The following CTNNA2 variants were observed in gnomAD, a reference collection of about 807,000 sequenced individuals.
CTNNA2 encodes catenin alpha-2.
In CTNNA2, 42 loss-of-function variants were observed where a neutral mutation model predicts 101.0. That is an observed-to-expected ratio of 0.42 (90% CI 0.32 to 0.54). The LOEUF is 0.54. Among genes scored for constraint, CTNNA2 ranks in the 20% least tolerant of loss-of-function variants. CTNNA2 has a pLI of 0.14. For missense variants in CTNNA2, 871 were observed against 1,223.1 expected (o/e 0.71, Z 4.29); for synonymous variants, 450 against 456.4 (o/e 0.99, Z 0.18).
At chr2:79,904,779 A>G (rs903548570) in intron 6 of CTNNA2, among the ~76,000 whole-genome samples, 1 of 152,216 alleles carries the variant, frequency 6.6e-6, no homozygotes, top group African/African-American at 2.4e-5. Flanking sequence ...GCTTGCATCA[A>G]GCCAGCTCGG....
intron 4 of CTNNA2, among the ~76,000 whole-genome samples, chr2:79,420,181 G>A (rs1289879655): frequency 1.4e-4 from 22 of 152,118 alleles, no homozygotes; most frequent in East Asian, 1.9e-4. Flanking sequence ...AAGACAGCAA[G>A]AGCCTAGAAT....
At chr2:79,376,673 C>A (rs1209006765) in intron 4 of CTNNA2, among the ~76,000 whole-genome samples, 1 of 152,118 alleles carries the variant, frequency 6.6e-6, no homozygotes. Context: ...GTGTGATGTT[C>A]CCCTTGCTGT....
At chr2:79,229,345 G>A (rs1157301917) in intron 2 of CTNNA2, among the ~76,000 whole-genome samples, 1 of 152,142 alleles carries the variant, frequency 6.6e-6, no homozygotes, top group African/African-American at 2.4e-5. Context: ...ATTGAATCAT[G>A]AGGGCAGGTC....
At chr2:80,632,048 G>C (rs1300952836) in intron 18 of CTNNA2, among the ~76,000 whole-genome samples, 1 of 152,068 alleles carries the variant, frequency 6.6e-6, no homozygotes, top group African/African-American at 2.4e-5. Flanking sequence ...AAGACCACCT[G>C]ACTGATAAAT....
At chr2:79,966,782 A>G (rs1179679680) in intron 7 of CTNNA2, among the ~76,000 whole-genome samples, 1 of 152,152 alleles carries the variant, frequency 6.6e-6, no homozygotes, top group Non-Finnish European at 1.5e-5. Context: ...CATTCAAACC[A>G]GGTGATTACT....
At chr2:79,523,109 C>A in intron 1 of CTNNA2, 2 of 299,484 alleles carry the variant, frequency 6.7e-6, no homozygotes, top group Non-Finnish European at 1.3e-5. Flanking sequence ...TATATCTAAG[C>A]GTTTCCTGCC....
chr2:80,065,052 A>G (rs1697878602), intron 7 of CTNNA2, among the ~76,000 whole-genome samples: 2 of 152,202 alleles, frequency 1.3e-5, no homozygotes. Context: ...CCTTTTGCTG[A>G]CTTGTAAATT....
intron 7 of CTNNA2, among the ~76,000 whole-genome samples, chr2:80,266,210 A>G (rs558403683): frequency 6.6e-6 from 1 of 152,312 alleles, no homozygotes; most frequent in African/African-American, 2.4e-5. Context: ...AATTCCCCAA[A>G]CGTATTAGAG....
chr2:80,039,521 G>A (rs895036108), intron 7 of CTNNA2, among the ~76,000 whole-genome samples: 3 of 152,180 alleles, frequency 2.0e-5, no homozygotes, highest in African/African-American at 7.2e-5. Flanking sequence ...CAAGACATGG[G>A]GGTAAAGGCT....
chr2:79,951,963 C>T (rs1688914706), intron 7 of CTNNA2, among the ~76,000 whole-genome samples: 4 of 152,086 alleles, frequency 2.6e-5, no homozygotes, highest in Non-Finnish European at 5.9e-5. Context: ...CATGGCTGCT[C>T]ATTTCATAGG....
At chr2:80,061,819 A>G (rs1292557219) in intron 7 of CTNNA2, among the ~76,000 whole-genome samples, 2 of 152,210 alleles carry the variant, frequency 1.3e-5, no homozygotes, top group African/African-American at 4.8e-5. Context: ...AATGTATTTT[A>G]TAGATGAGTG....
intron 3 of CTNNA2, among the ~76,000 whole-genome samples, chr2:79,777,630 G>A (rs1674075640): frequency 6.6e-6 from 1 of 152,100 alleles, no homozygotes; most frequent in African/African-American, 2.4e-5. Flanking sequence ...AGCACTTGAT[G>A]TTTGAGCATA....
At chr2:80,340,150 C>G (rs1054631820) in intron 7 of CTNNA2, among the ~76,000 whole-genome samples, 1 of 152,220 alleles carries the variant, frequency 6.6e-6, no homozygotes, top group African/African-American at 2.4e-5. Flanking sequence ...CTACCCCTCT[C>G]AGTACTTGCC....
At chr2:79,364,679 C>T (rs1361292397) in intron 3 of CTNNA2, among the ~76,000 whole-genome samples, 2 of 152,086 alleles carry the variant, frequency 1.3e-5, no homozygotes, top group African/African-American at 4.8e-5. Flanking sequence ...ACAATCTTAT[C>T]TAGGCTTCAC....
chr2:80,183,138 A>G (rs1705887305), intron 7 of CTNNA2, among the ~76,000 whole-genome samples: 1 of 152,136 alleles, frequency 6.6e-6, no homozygotes, highest in Non-Finnish European at 1.5e-5. Context: ...CCACCGCTAA[A>G]TGTCAATAGA....
rs377649033 is a variant in CTNNA2 at position 79,403,477 on chromosome 2, G to A, written c.-135+29464G>A. On this transcript the variant is annotated intron_variant, in intron 4 of 21. Coordinates refer to the CTNNA2 transcript ENST00000466387. Reference sequence around the variant, plus strand: ...TTAAGTACTCCCTAGCCAGATGGCTGGGGGGACCATGTTAAACAGTTTGAT... The same window carrying A: ...TTAAGTACTCCCTAGCCAGATGGCTAGGGGGACCATGTTAAACAGTTTGAT... 1.3e-4 allele frequency among the ~76,000 whole-genome samples: 20 copies of A among 152,012 alleles called. 1 individual carries two copies. The South Asian group carries it at 1.7e-3, about 13-fold the overall frequency.
chr2:79,263,407 T>C (rs140615440), intron 2 of CTNNA2, among the ~76,000 whole-genome samples: 1 of 152,174 alleles, frequency 6.6e-6, no homozygotes, highest in Non-Finnish European at 1.5e-5. Flanking sequence ...TCTGGCCATG[T>C]GATATTTCTG....
intron 3 of CTNNA2, among the ~76,000 whole-genome samples, chr2:79,777,325 TTATGTGTGTGTGTG>T (rs1195434588): frequency 0.025 from 3,159 of 124,418 alleles, 125 homozygotes; most frequent in African/African-American, 0.088. Context: ...CAAACACTTG[TTATGTGTGTGTGTG>T]TGTGTGTGTG....
intron 7 of CTNNA2, among the ~76,000 whole-genome samples, chr2:80,074,703 C>A (rs1395902535): frequency 6.6e-6 from 1 of 152,128 alleles, no homozygotes; most frequent in Admixed American, 6.5e-5. Flanking sequence ...AAATAAGGAG[C>A]AAGAGAACAA....
Sources: gnomAD v4.1 joint callset for allele counts (sites outside exome capture counted in the v4.1 genomes callset) on GRCh38, gnomAD v4.1.1 for gene constraint, MANE v1.5 for transcripts, NCBI Gene and HGNC (gene_info 2026-07-23, HGNC 2026-07-21) for gene names.